SAMD5: variants seen among roughly 807,000 people sequenced by gnomAD.
SAMD5 encodes the protein sterile alpha motif domain-containing protein 5.
Under a neutral mutation model 11.3 loss-of-function variants are expected in SAMD5, and 13 were observed. The ratio of observed to expected loss-of-function variants is 1.15; its 90% CI spans 0.75 to 1.83. The LOEUF (loss-of-function observed/expected upper bound fraction) is 1.83, where lower values mean the gene tolerates loss of function less well. Among genes scored for constraint, SAMD5 ranks in the 40% most tolerant of loss-of-function variants. SAMD5 has a pLI of 0.00. For missense variants in SAMD5, 255 were observed against 239.1 expected, an observed-to-expected ratio of 1.07 and a Z score of -0.44; for synonymous variants, 129 against 111.3, an observed-to-expected ratio of 1.16 and a Z score of -1.00.
the SAMD5 span, among the ~76,000 whole-genome samples, chr6:147,791,289 C>CAAATAAATAAAT: frequency 1.1e-3 from 174 of 151,684 alleles, 1 homozygote; most frequent in African/African-American, 4.1e-3. Context: ...GACCCCGTCT[C>CAAATAAATAAAT]AAATAAATAA....
chr6:147,521,275 C>T (rs188715942), intron 1 of SAMD5, among the ~76,000 whole-genome samples: 3 of 152,016 alleles, frequency 2.0e-5, no homozygotes. Context: ...GTTCATGGTA[C>T]TTGCTTCTTT....
the SAMD5 span, among the ~76,000 whole-genome samples, chr6:147,816,128 A>G: frequency 6.6e-6 from 1 of 150,854 alleles, no homozygotes; most frequent in South Asian, 2.1e-4. Context: ...AAAATACAAA[A>G]AATTAGCTAG....
chr6:147,611,487 C>T (rs1789785513), intron 1 of SAMD5, among the ~76,000 whole-genome samples: 1 of 151,662 alleles, frequency 6.6e-6, no homozygotes, highest in African/African-American at 2.4e-5. Flanking sequence ...CGCTTGAGCC[C>T]AGGATGCGGA....
chr6:147,836,695 A>G, the SAMD5 span, among the ~76,000 whole-genome samples: 1 of 152,192 alleles, frequency 6.6e-6, no homozygotes, highest in Non-Finnish European at 1.5e-5. Context: ...TTAAGTCTGA[A>G]CCAATGTAAA....
chr6:147,942,605 A>G, the SAMD5 span, among the ~76,000 whole-genome samples: 23 of 152,286 alleles, frequency 1.5e-4, no homozygotes, highest in African/African-American at 4.3e-4. Flanking sequence ...CTCCTACAAT[A>G]TGCAGATACT....
At chr6:147,694,518 G>T (rs912155389) in intron 1 of SAMD5, among the ~76,000 whole-genome samples, 2 of 152,150 alleles carry the variant, frequency 1.3e-5, no homozygotes, top group African/African-American at 4.8e-5. Flanking sequence ...AAATAATAAT[G>T]TTGATTTATC....
At chr6:147,558,287 A>T (rs1255091751) in intron 1 of SAMD5, among the ~76,000 whole-genome samples, 10 of 152,150 alleles carry the variant, frequency 6.6e-5, no homozygotes, top group Non-Finnish European at 1.2e-4. Flanking sequence ...GCCTGATGAG[A>T]GCCAGGCAAC....
the SAMD5 span, among the ~76,000 whole-genome samples, chr6:147,916,036 A>G: frequency 6.6e-6 from 1 of 151,630 alleles, no homozygotes; most frequent in East Asian, 1.9e-4. Flanking sequence ...GTTTGCTGAG[A>G]ATGATGGTTT....
intron 1 of SAMD5, among the ~76,000 whole-genome samples, chr6:147,606,299 T>C (rs994986841): frequency 3.9e-5 from 6 of 152,140 alleles, no homozygotes; most frequent in Admixed American, 2.0e-4. Flanking sequence ...TGTAAAGTGA[T>C]CTTTTGTTGT....
Position 147,509,694 on chromosome 6 carries a change from A to G in SAMD5, c.459+307A>G, listed in dbSNP as rs552554184. On this transcript the variant is annotated intron_variant, in intron 1 of 1. Coordinates refer to ENST00000367474, the MANE Select transcript of SAMD5 (RefSeq NM_001030060.3). ...ACTCGCGCTGCTTCACCTGGTAGCCAGGGGGAATTCCTAACGCCCTCTATA... is the reference window on the plus strand; with the variant it reads ...ACTCGCGCTGCTTCACCTGGTAGCCGGGGGGAATTCCTAACGCCCTCTATA... Among the ~76,000 whole-genome samples, 10 of 152,290 alleles carry G rather than the reference A, an allele frequency of 6.6e-5. No homozygotes were observed. The East Asian group carries it at 1.9e-3, about 29-fold the overall frequency.
At chr6:147,795,209 TC>T in the SAMD5 span, among the ~76,000 whole-genome samples, 2 of 90,144 alleles carry the variant, frequency 2.2e-5, no homozygotes, top group East Asian at 4.0e-4. Context: ...ATGCTATCCC[TC>T]CCCCCTCCCC....
chr6:147,527,472 C>T (rs1485608529), intron 1 of SAMD5, among the ~76,000 whole-genome samples: 1 of 152,184 alleles, frequency 6.6e-6, no homozygotes, highest in African/African-American at 2.4e-5. Flanking sequence ...GAGAAGTCCA[C>T]TGCCGTATTC....
chr6:147,509,270 G>C lies in SAMD5; in HGVS notation c.342G>C (p.Thr114=). The change falls in exon 1 of 2, where the codon ACG becomes ACC. Residue 114 remains threonine (T), a synonymous_variant. Transcript: ENST00000367474. The part of the protein sequence containing the change: ...QGTRGDSRGH[T]TAPRSRELVS... ...CCCGCGGGGACTCTCGCGGCCACACGACCGCCCCCCGCAGCAGGGAGCTGG... is the reference window on the plus strand; with the variant it reads ...CCCGCGGGGACTCTCGCGGCCACACCACCGCCCCCCGCAGCAGGGAGCTGG... The C allele has an allele frequency of 6.4e-7, 1 of 1,552,184 alleles. No homozygotes were observed.
At chr6:147,753,586 T>C in the SAMD5 span, among the ~76,000 whole-genome samples, 1 of 152,136 alleles carries the variant, frequency 6.6e-6, no homozygotes, top group Admixed American at 6.6e-5. Flanking sequence ...CTTTAAGTCA[T>C]TTTAAAGTGT....
the SAMD5 span, among the ~76,000 whole-genome samples, chr6:147,879,216 C>G: frequency 6.6e-6 from 1 of 152,228 alleles, no homozygotes; most frequent in Admixed American, 6.5e-5. Context: ...GCTGAAGAAG[C>G]TGCGATTTCA....
chr6:147,737,260 C>T, intron 1 of SAMD5: 1 of 1,080,606 alleles, frequency 9.3e-7, no homozygotes, highest in Admixed American at 3.1e-5. Flanking sequence ...TGCTTTTTCA[C>T]TATGATTTCA....
chr6:147,790,640 A>G, the SAMD5 span, among the ~76,000 whole-genome samples: 1 of 152,088 alleles, frequency 6.6e-6, no homozygotes, highest in Admixed American at 6.6e-5. Flanking sequence ...GTGTGTGAGT[A>G]TGGGTGGACT....
At chr6:147,876,325 G>A in the SAMD5 span, among the ~76,000 whole-genome samples, 1 of 152,198 alleles carries the variant, frequency 6.6e-6, no homozygotes, top group Non-Finnish European at 1.5e-5. Context: ...GGAGTAGCTA[G>A]TCACTAGCCT....
intron 1 of SAMD5, among the ~76,000 whole-genome samples, chr6:147,520,195 G>A (rs371298108): frequency 6.8e-6 from 1 of 147,918 alleles, no homozygotes; most frequent in South Asian, 2.1e-4. Flanking sequence ...TTGGCTCACT[G>A]CAACCTTCAC....
Sources: gnomAD v4.1 joint callset for allele counts (sites outside exome capture counted in the v4.1 genomes callset) on GRCh38, gnomAD v4.1.1 for gene constraint, MANE v1.5 for transcripts, NCBI Gene and HGNC (gene_info 2026-07-23, HGNC 2026-07-21) for gene names.